The following HINFP variants were observed in gnomAD, a reference collection of about 807,000 sequenced individuals.
HINFP encodes histone H4 transcription factor.
HINFP carries 20 observed loss-of-function variants against 50.1 expected under a neutral mutation model. The ratio of observed to expected loss-of-function variants is 0.40; its 90% CI spans 0.28 to 0.58. The LOEUF (loss-of-function observed/expected upper bound fraction) is 0.58. HINFP is among the 20% of genes least tolerant of loss of function. The pLI is 0.45. For missense variants in HINFP, 505 were observed against 664.1 expected (o/e 0.76, Z 2.63); for synonymous variants, 247 against 243.7 (o/e 1.01, Z -0.13).
intron 1 of HINFP, among the ~76,000 whole-genome samples, chr11:119,123,498 T>G (rs1356551692): frequency 2.0e-5 from 3 of 152,146 alleles, no homozygotes; most frequent in Non-Finnish European, 4.4e-5. Context: ...TTTTTCTACT[T>G]TTCTTACCAC....
chr11:119,130,678 G>A, intron 2 of HINFP, 47 bp from the exon 3 acceptor site: 1 of 1,558,862 alleles, frequency 6.4e-7, no homozygotes, highest in Non-Finnish European at 8.8e-7. Context: ...AAGGTGACCT[G>A]AGCCTTGGAA....
chr11:119,127,924 C>T (rs1035249999), intron 2 of HINFP, among the ~76,000 whole-genome samples: 2 of 150,400 alleles, frequency 1.3e-5, no homozygotes, highest in Admixed American at 6.7e-5. Context: ...GGTTCGATCT[C>T]GGCTCACTGC....
intron 1 of HINFP, chr11:119,124,317 T>C (rs950075259): frequency 3.3e-5 from 5 of 152,260 alleles, no homozygotes; most frequent in African/African-American, 9.7e-5. Context: ...TTCTGTTTTT[T>C]TTCCTTTTAG....
chr11:119,132,257 G>A (rs1947804405), intron 5 of HINFP: 1 of 619,204 alleles, frequency 1.6e-6, no homozygotes, highest in East Asian at 2.7e-5. Context: ...GGAAACTGAG[G>A]CTCAGAGAGG....
In HINFP at chr11:119,132,754, C is replaced by T. The variant is rs1311407192; in HGVS notation, c.848C>T (p.Pro283Leu). 2 of 1,613,552 alleles carry T rather than the reference C, an allele frequency of 1.2e-6. No individual in the cohort carries two copies. The highest frequency in any genetic ancestry group is 2.2e-5 in the East Asian group (1 of 44,894). ...HMRFRHSEDR[P>L]FKCDCCDYSC... ...CGCTTTCGTCACAGTGAGGACCGGC[C>T]CTTTAAATGTGACTGTTGTGACTAC... The change falls in exon 7 of 10, where the codon CCC becomes CTC. Residue 283 changes from proline to leucine, a missense_variant. Transcript: ENST00000350777.
At chr11:119,127,320 A>G (rs1592269642) in intron 2 of HINFP, 195 bp downstream of exon 2, 2 of 466,002 alleles carry the variant, frequency 4.3e-6, no homozygotes, top group East Asian at 3.4e-5. Context: ...TAAATCTGCC[A>G]TCCTGCCATC....
chr11:119,123,824 T>G (rs953539077), intron 1 of HINFP: 1 of 147,994 alleles, frequency 6.8e-6, no homozygotes, highest in East Asian at 2.2e-4. Flanking sequence ...GTGATTCCCC[T>G]GCCTCAGCCT....
Position 119,132,883 on chromosome 11 carries a change from C to T in HINFP, c.895C>T (p.Leu299Phe). The part of the protein sequence containing the change: ...CDYSCKNLID[L>F]QKHLDTHSEE... ...TGGCAGCTGCAAGAATCTTATTGAC[C>T]TCCAGAAGCACCTGGATACCCACAG... Residue 299 changes from leucine to phenylalanine, a missense_variant, in exon 8 of 10, where the codon CTC becomes TTC. By Grantham distance (22) the Leu-to-Phe change is conservative. Transcript: ENST00000350777. 2 of 1,614,192 alleles carry T rather than the reference C, an allele frequency of 1.2e-6. No homozygotes were observed. Among genetic ancestry groups the T allele is most frequent in the Admixed American group, 1.7e-5 (1 of 60,026 alleles).
rs764127842 is a variant in HINFP at position 119,135,571 on chromosome 11, A to G, written c.*1073A>G. 6.6e-6 allele frequency: 1 copy of G among 152,204 alleles called. No individual in the cohort carries two copies. The highest frequency in any genetic ancestry group is 2.4e-5 in the African/African-American group (1 of 41,456). 9.4% of individuals were successfully genotyped at this position (152,204 alleles called of 1,614,324 possible). ...ATTATCAAAGAGATTGAAACCTCCC[A>G]AAATAAGAATCATCATTTCGTCTGG... On this transcript the variant is annotated 3_prime_UTR_variant, in exon 10 of 10. Transcript: ENST00000350777.
At chr11:119,128,700 A>ATTC (rs1421533961) in intron 2 of HINFP, among the ~76,000 whole-genome samples, 1 of 151,528 alleles carries the variant, frequency 6.6e-6, no homozygotes, top group Non-Finnish European at 1.5e-5. Context: ...TATTATTATT[A>ATTC]TTTATTATTA....
At chr11:119,125,044 T>TG (rs1947315712) in intron 1 of HINFP, 1 of 144,370 alleles carries the variant, frequency 6.9e-6, no homozygotes, top group African/African-American at 2.7e-5. Context: ...TGTTTTTTTT[T>TG]TTTTTTTTTT....
rs1948008179 is a variant in HINFP, at chr11:119,135,380, C to A, written c.*882C>A. On this transcript the variant is annotated 3_prime_UTR_variant, in exon 10 of 10. Transcript: ENST00000350777. ...CTGAATACTGATTAGAACCCAGTGC[C>A]TCTAGGGTAGGGGTTCTTTACCTGG... 6.6e-6 allele frequency: 1 copy of A among 152,114 alleles called. No individual in the cohort carries two copies. The highest frequency in any genetic ancestry group is 1.5e-5 in the Non-Finnish European group (1 of 68,052). The allele number at this position is 152,114 out of a possible 1,614,324, so 9.4% of individuals were successfully genotyped here. A position where few individuals can be genotyped will look rare whatever the true frequency, so the allele number is the denominator to read the frequency against.
In HINFP at chr11:119,121,643, A is replaced by T. The variant is rs1235812611; in HGVS notation, c.-11+4A>T. 3 of 152,576 alleles carry T rather than the reference A, an allele frequency of 2.0e-5. No homozygotes were observed. The East Asian group carries it at 5.8e-4, about 29-fold the overall frequency. 9.5% of individuals were successfully genotyped at this position (152,576 alleles called of 1,614,324 possible). On this transcript the variant is annotated splice_donor_region_variant and intron_variant, in intron 1 of 9. Transcript: ENST00000350777. ...AGAGACCTGGAGCCGACAGACGGTA[A>T]GCTGGGGTATGTGCTCTGCAGGGGC...
intron 1 of HINFP, chr11:119,125,032 TG>T (rs1947309336): frequency 7.3e-6 from 1 of 136,652 alleles, no homozygotes; most frequent in African/African-American, 2.8e-5. Flanking sequence ...TGTGTGTGTG[TG>T]TGTTTTTTTT....
chr11:119,132,430 C>T (rs1460669213), intron 5 of HINFP, 66 bp from the exon 6 acceptor site: 2 of 1,545,824 alleles, frequency 1.3e-6, no homozygotes, highest in African/African-American at 2.7e-5. Flanking sequence ...GGATGGTTCC[C>T]CTCTCCTTTC....
rs114304775 is a variant in HINFP, at chr11:119,123,263, C to T, written c.-11+1624C>T. On this transcript the variant is annotated intron_variant, in intron 1 of 9. Transcript: ENST00000350777. The stretch of plus-strand genomic sequence containing the variant: ...GGGTGAGGAAGCCAGAGAACAGCAT[C>T]ATGTGGGAGAAAGAGCATGATCTTT... Among the ~76,000 whole-genome samples, 229 of 151,560 alleles carry T rather than the reference C, an allele frequency of 1.5e-3. 1 individual carries two copies. Among genetic ancestry groups the T allele is most frequent in the African/African-American group, 5.3e-3 (220 of 41,320 alleles).
In HINFP at chr11:119,133,088, C is replaced by T; in HGVS notation, c.1015-7C>T. 1 of 1,614,212 alleles carries T rather than the reference C, an allele frequency of 6.2e-7. No homozygotes were observed. The highest frequency in any genetic ancestry group is 8.5e-7 in the Non-Finnish European group (1 of 1,180,038). On this transcript the variant is annotated splice_polypyrimidine_tract_variant and splice_region_variant and intron_variant, in intron 8 of 9. Coordinates refer to ENST00000350777, the MANE Select transcript of HINFP (RefSeq NM_198971.3). ...CTGGTCTCATTTCTCCCTTCCTTCC[C>T]CATCAGGGAGACTCTGAGCCAAGGT...
In HINFP at chr11:119,134,182, C is replaced by G; in HGVS notation, c.1238C>G (p.Ser413Trp). 1 of 1,614,190 alleles carries G rather than the reference C, an allele frequency of 6.2e-7. No homozygotes were observed. Among genetic ancestry groups the G allele is most frequent in the South Asian group, 1.1e-5 (1 of 91,076 alleles). Residue 413 changes from serine (S) to tryptophan (W), a missense_variant, in exon 10 of 10, where the codon TCG becomes TGG. Physicochemically the swap from Ser to Trp is radical, Grantham distance 177. Coordinates refer to ENST00000350777, the MANE Select transcript of HINFP (RefSeq NM_198971.3). The surrounding 1 kb of genome is among the most constrained non-coding windows in gnomAD (Gnocchi z 4.3). ...QQLLRQPQEGSGLGTSLNESS... is the reference protein window; with the variant it reads ...QQLLRQPQEGWGLGTSLNESS... ...CTGCTGCGGCAACCACAAGAGGGAT[C>G]GGGCCTGGGAACGTCGCTGAACGAG...
intron 1 of HINFP, chr11:119,124,347 T>C (rs1194477975): frequency 6.6e-6 from 1 of 152,140 alleles, no homozygotes; most frequent in Non-Finnish European, 1.5e-5. Context: ...AAGGCCTTTT[T>C]TCAGAGTTCC....
Sources: allele counts gnomAD v4.1 joint callset (sites outside exome capture counted in the v4.1 genomes callset), GRCh38; gene constraint gnomAD v4.1.1; non-coding constraint Gnocchi (gnomAD v3.1); transcripts MANE v1.5; gene names NCBI Gene and HGNC (gene_info 2026-07-23, HGNC 2026-07-21).